Variants in SYMPK observed in about 807,000 individuals in gnomAD.
The protein encoded by SYMPK is symplekin scaffold protein, also known as symplekin.
Under a neutral mutation model 136.4 loss-of-function variants are expected in SYMPK, and 49 were observed. That is an observed-to-expected ratio of 0.36 (90% CI 0.29 to 0.46). The LOEUF (loss-of-function observed/expected upper bound fraction) is 0.46. Ranked by LOEUF, SYMPK falls within the 20% of genes least tolerant of loss-of-function variation. The probability of loss-of-function intolerance (pLI) is 1.00; values close to 1 mark genes in which losing one functional copy is unlikely to be tolerated. For missense variants in SYMPK, 1,365 were observed against 1,690.0 expected (o/e 0.81, Z 3.37); for synonymous variants, 766 against 713.0 (o/e 1.07, Z -1.19).
At chr19:45,822,717 G>T in intron 21 of SYMPK, 39 bp downstream of exon 21, 2 of 1,576,390 alleles carry the variant, frequency 1.3e-6, no homozygotes, top group South Asian at 1.1e-5. Flanking sequence ...CACCTGGGGT[G>T]GGTGGGCCTC....
chr19:45,851,998 A>C (rs892280254), intron 5 of SYMPK, among the ~76,000 whole-genome samples: 2 of 152,280 alleles, frequency 1.3e-5, no homozygotes, highest in African/African-American at 4.8e-5. Context: ...AGGTAGGAGG[A>C]AAGGGTGGCT....
At chr19:45,825,058 A>G in intron 18 of SYMPK, 113 bp downstream of exon 18, 1 of 1,389,974 alleles carries the variant, frequency 7.2e-7, no homozygotes, top group Non-Finnish European at 9.8e-7. Context: ...GCCCGGGGTG[A>G]CCACCCTTCG....
chr19:45,815,506 C>T lies in SYMPK; in HGVS notation c.*54G>A, dbSNP rs1970702100. 9.8e-7 allele frequency: 1 copy of T among 1,022,384 alleles called. No individual in the cohort carries two copies. The highest frequency in any genetic ancestry group is 1.4e-6 in the Non-Finnish European group (1 of 740,368). The allele number at this position is 1,022,384 out of a possible 1,614,324, so 63.3% of individuals were successfully genotyped here. ...CAAAGCACCCGCAGGTCAAGCCCCG[C>T]CCCGTCCCCCAGCCCCGAGTCCCTG... On this transcript the variant is annotated 3_prime_UTR_variant, in exon 27 of 27. Coordinates refer to ENST00000245934, the MANE Select transcript of SYMPK (RefSeq NM_004819.3).
intron 13 of SYMPK, 145 bp from the exon 14 acceptor site, chr19:45,829,350 A>C: frequency 1.9e-5 from 10 of 536,734 alleles, no homozygotes; most frequent in East Asian, 8.2e-5. Context: ...GAGGACCCTT[A>C]TGCCTAGGAA....
chr19:45,839,908 T>C (rs1228145214), intron 9 of SYMPK, among the ~76,000 whole-genome samples: 2 of 152,174 alleles, frequency 1.3e-5, no homozygotes, highest in African/African-American at 4.8e-5. Flanking sequence ...GTATTTTACA[T>C]AGTTTCAAAT....
At chr19:45,822,873 G>A (rs750245309) in intron 20 of SYMPK, 27 bp from the exon 21 acceptor site, 12 of 1,564,840 alleles carry the variant, frequency 7.7e-6, no homozygotes, top group Non-Finnish European at 1.1e-5. Flanking sequence ...GTGGGGGTGG[G>A]AGTTGAGTCA....
chr19:45,858,376 C>A (rs979286226), intron 1 of SYMPK, among the ~76,000 whole-genome samples: 1 of 152,186 alleles, frequency 6.6e-6, no homozygotes, highest in Non-Finnish European at 1.5e-5. Flanking sequence ...GCCCAACATG[C>A]CCCTTCCTCA....
chr19:45,826,412 G>A lies in SYMPK; in HGVS notation c.2182-39C>T, dbSNP rs557944733. 16 of 1,606,514 alleles carry A rather than the reference G, an allele frequency of 1.0e-5. No homozygotes were observed. In the African/African-American group the frequency reaches 1.7e-4, roughly 17 times the overall value. On this transcript the variant is annotated intron_variant, in intron 16 of 26. Coordinates refer to ENST00000245934, the MANE Select transcript of SYMPK (RefSeq NM_004819.3). ...TGGAGAAGGGCAGGGTCAGGGAAGA[G>A]GTAAGAGGAAGAACAGCTATTCCTG...
At position 45,821,522 on chromosome 19, in the gene SYMPK, G is replaced by C. The variant is rs918391868; in HGVS notation, c.2792-37C>G. On this transcript the variant is annotated intron_variant, in intron 21 of 26. Transcript: ENST00000245934. The surrounding 1 kb of genome is among the most constrained non-coding windows in gnomAD (Gnocchi z 4.4). ...GGGAGGAAGGGTGGGGGAAGACAGT[G>C]CGGACGCATAAGTGAAGAGATGGGT... 1 of 1,446,676 alleles carries C rather than the reference G, an allele frequency of 6.9e-7. No individual in the cohort carries two copies. The allele number at this position is 1,446,676 out of a possible 1,614,324, so 89.6% of individuals were successfully genotyped here.
chr19:45,855,997 AT>A (rs1971813508), intron 1 of SYMPK, among the ~76,000 whole-genome samples: 1 of 151,982 alleles, frequency 6.6e-6, no homozygotes, highest in Admixed American at 6.6e-5. Flanking sequence ...AAAAATATAT[AT>A]GTTAAAAAAG....
chr19:45,849,722 T>C (rs1280142169), intron 5 of SYMPK, among the ~76,000 whole-genome samples: 2 of 152,126 alleles, frequency 1.3e-5, no homozygotes, highest in Non-Finnish European at 2.9e-5. Flanking sequence ...GATAGGATAT[T>C]TGGGTTCTGG....
At chr19:45,830,437 G>C in intron 12 of SYMPK, 1 of 519,738 alleles carries the variant, frequency 1.9e-6, no homozygotes, top group Non-Finnish European at 3.5e-6. Context: ...CTGTGAGTGG[G>C]GATCTGAACG....
At chr19:45,857,697 T>C (rs1971863576) in intron 1 of SYMPK, among the ~76,000 whole-genome samples, 1 of 151,868 alleles carries the variant, frequency 6.6e-6, no homozygotes, top group African/African-American at 2.4e-5. Context: ...TTCACCATGT[T>C]AGCCAGGATG....
chr19:45,835,120 G>A lies in SYMPK; in HGVS notation c.1351C>T (p.Arg451Trp). ...GCTGTCATCTGTGTGGCCATGAGCCGAGCCAGGTGCTTGATCTGGGCTTCC... is the reference window on the plus strand; with the variant it reads ...GCTGTCATCTGTGTGGCCATGAGCCAAGCCAGGTGCTTGATCTGGGCTTCC... ...GTEAQIKHLA[R>W]LMATQMTAAG... Residue 451 changes from arginine to tryptophan, a missense_variant, in exon 11 of 27, where the codon CGG (arginine) becomes TGG (tryptophan). By Grantham distance (101) the Arg-to-Trp change is moderately radical. Transcript: ENST00000245934. 1 of 1,612,766 alleles carries A rather than the reference G, an allele frequency of 6.2e-7. No individual in the cohort carries two copies. Among genetic ancestry groups the A allele is most frequent in the Non-Finnish European group, 8.5e-7 (1 of 1,179,272 alleles).
chr19:45,859,069 C>T (rs890736571), intron 1 of SYMPK, among the ~76,000 whole-genome samples: 2 of 152,120 alleles, frequency 1.3e-5, no homozygotes, highest in African/African-American at 2.4e-5. Flanking sequence ...CCATCGCCCC[C>T]GGCCTAGAAC....
intron 23 of SYMPK, among the ~76,000 whole-genome samples, chr19:45,817,423 T>C (rs1448197885): frequency 2.7e-3 from 24 of 8,848 alleles, no homozygotes; most frequent in African/African-American, 0.011. Context: ...TTCTCTTTTT[T>C]TTTTTTTTTT....
intron 21 of SYMPK, among the ~76,000 whole-genome samples, chr19:45,822,546 G>A (rs1156249101): frequency 2.0e-5 from 3 of 152,176 alleles, no homozygotes; most frequent in South Asian, 2.1e-4. Flanking sequence ...CTAGCTCCAC[G>A]GTCTTGCCCC....
chr19:45,838,348 T>C (rs1214968754), intron 10 of SYMPK, 113 bp downstream of exon 10: 1 of 1,293,232 alleles, frequency 7.7e-7, no homozygotes, highest in African/African-American at 1.5e-5. Context: ...CTTTTCTTTA[T>C]TAATTAGGAG....
At chr19:45,837,326 A>T (rs1343089790) in intron 10 of SYMPK, among the ~76,000 whole-genome samples, 1 of 152,120 alleles carries the variant, frequency 6.6e-6, no homozygotes, top group Non-Finnish European at 1.5e-5. Context: ...GATAAGACAA[A>T]AGGTAGAATG....
Sources: gnomAD v4.1 joint callset for allele counts (sites outside exome capture counted in the v4.1 genomes callset) on GRCh38, gnomAD v4.1.1 for gene constraint, Gnocchi (gnomAD v3.1) non-coding constraint, MANE v1.5 for transcripts, NCBI Gene and HGNC (gene_info 2026-07-23, HGNC 2026-07-21) for gene names.